The following LIN9 variants were observed in gnomAD, a reference collection of about 807,000 sequenced individuals.
The protein encoded by LIN9 is lin-9 DREAM MuvB core complex component.
A neutral mutation model predicts 78.0 loss-of-function variants in LIN9; 18 were observed. The ratio of observed to expected loss-of-function variants is 0.23; its 90% confidence interval spans 0.16 to 0.34. The LOEUF is 0.34. Ranked by LOEUF, LIN9 falls within the 10% of genes least tolerant of loss-of-function variation. LIN9 has a pLI of 1.00. For synonymous variants in LIN9, 192 were observed against 215.2 expected, an observed-to-expected ratio of 0.89 and a Z score of 0.94; for missense variants, 451 against 644.1, an observed-to-expected ratio of 0.70 and a Z score of 3.25.
At chr1:226,267,867 G>T in intron 8 of LIN9, 90 bp downstream of exon 8, 1 of 1,331,062 alleles carries the variant, frequency 7.5e-7, no homozygotes, top group Middle Eastern at 2.5e-4. Flanking sequence ...ATAAAGTCTT[G>T]ATTCTATCAT....
intron 1 of LIN9, among the ~76,000 whole-genome samples, chr1:226,302,031 T>C (rs146239939): frequency 3.2e-4 from 49 of 152,330 alleles, no homozygotes; most frequent in East Asian, 2.5e-3. Context: ...ACCGTGCCAC[T>C]GCACTTCAGC....
chr1:226,234,915 A>G (rs1356952025), intron 12 of LIN9, among the ~76,000 whole-genome samples: 1 of 72,560 alleles, frequency 1.4e-5, no homozygotes, highest in African/African-American at 3.7e-5. Context: ...TTTTTTTGAG[A>G]CAGTCTCACT....
chr1:226,289,451 C>G (rs1465409563), intron 4 of LIN9, among the ~76,000 whole-genome samples: 1 of 152,042 alleles, frequency 6.6e-6, no homozygotes, highest in Non-Finnish European at 1.5e-5. Flanking sequence ...CAGCCTTGAC[C>G]TCCTGGGCTC....
At chr1:226,264,586 C>T (rs1659796667) in intron 10 of LIN9, among the ~76,000 whole-genome samples, 1 of 152,070 alleles carries the variant, frequency 6.6e-6, no homozygotes, top group Admixed American at 6.6e-5. Flanking sequence ...TAGCTCACAC[C>T]TCTAATCCCA....
At chr1:226,288,029 T>C (rs1179632957) in intron 4 of LIN9, among the ~76,000 whole-genome samples, 3 of 152,090 alleles carry the variant, frequency 2.0e-5, no homozygotes, top group Non-Finnish European at 4.4e-5. Context: ...TGGAATGCAG[T>C]GGCACAATCT....
At chr1:226,307,458 C>T (rs1662985465) in intron 1 of LIN9, among the ~76,000 whole-genome samples, 1 of 151,984 alleles carries the variant, frequency 6.6e-6, no homozygotes, top group Admixed American at 6.6e-5. Context: ...CATGGAGAAA[C>T]CCCCATCTCT....
chr1:226,273,256 A>ATTTTT (rs34679926), intron 7 of LIN9, among the ~76,000 whole-genome samples: 17 of 87,264 alleles, frequency 1.9e-4, no homozygotes, highest in Non-Finnish European at 2.6e-4. Flanking sequence ...TAATTAGGTA[A>ATTTTT]TTTTTTTTTT....
intron 14 of LIN9, chr1:226,232,807 G>A (rs1657426189): frequency 2.0e-6 from 1 of 499,234 alleles, no homozygotes; most frequent in African/African-American, 2.0e-5. Context: ...GAGCCACGGG[G>A]GGCTGGAAGG....
chr1:226,290,214 A>C (rs1383303324), intron 4 of LIN9, among the ~76,000 whole-genome samples: 2 of 152,206 alleles, frequency 1.3e-5, no homozygotes, highest in African/African-American at 2.4e-5. Flanking sequence ...CCAATAGAAA[A>C]ATGGGAAAAA....
chr1:226,305,317 A>AAAAAAG (rs1662837309), intron 1 of LIN9, among the ~76,000 whole-genome samples: 4 of 137,018 alleles, frequency 2.9e-5, no homozygotes, highest in African/African-American at 9.0e-5. Context: ...AAAAAAAAGA[A>AAAAAAG]AAAAAAAAAA....
Position 226,249,292 on chromosome 1 carries a change from T to C in LIN9, c.1119+1547A>G, listed in dbSNP as rs1658679913. Among the ~76,000 whole-genome samples the C allele has an allele frequency of 3.3e-5, 5 of 152,174 alleles. No individual in the cohort carries two copies. The South Asian group carries it at 1.0e-3, about 31-fold the overall frequency. On this transcript the variant is annotated intron_variant, in intron 11 of 14. Coordinates refer to ENST00000681046, the MANE Select transcript of LIN9 (RefSeq NM_001366245.2). ...AGTAGGAAAGAAGCACGCACATACATTTCTATGTTTAAGATATGTAATGGC... is the reference window on the plus strand; with the variant it reads ...AGTAGGAAAGAAGCACGCACATACACTTCTATGTTTAAGATATGTAATGGC...
In LIN9 at chr1:226,233,160, C is replaced by A; in HGVS notation, c.1459G>T (p.Glu487Ter). 6.2e-7 allele frequency: 1 copy of A among 1,607,394 alleles called. No individual in the cohort carries two copies. Among genetic ancestry groups the A allele is most frequent in the South Asian group, 1.1e-5 (1 of 88,906 alleles). ...AATGAGTCTGTAAGTGATTTGAATT[C>A]AAAGGAATTCAGGTCTCCTCCTTCT... ...LAEGGDLNSF[E>*]FKSLTDSLND... is the part of the protein sequence containing the mutation. The change falls in exon 14 of 15, where the codon GAA becomes TAA. Residue 487 changes from glutamate to a stop codon, truncating the protein, a stop_gained. Coordinates refer to ENST00000681046, the MANE Select transcript of LIN9 (RefSeq NM_001366245.2). LOFTEE classifies it high-confidence loss of function.
At position 226,251,868 on chromosome 1, in the gene LIN9, C is replaced by T. The variant is rs1470900255; in HGVS notation, c.1039-949G>A. On this transcript the variant is annotated intron_variant, in intron 10 of 14. Transcript: ENST00000681046. ...TTAAAATCCATGAGTTACAATGATA[C>T]TTAGGAAGAAGAAATAACACAGTGA... Among the ~76,000 whole-genome samples, 3 of 152,078 alleles carry T rather than the reference C, an allele frequency of 2.0e-5. No individual in the cohort carries two copies. In the East Asian group the frequency reaches 5.8e-4, roughly 29 times the overall value.
intron 12 of LIN9, among the ~76,000 whole-genome samples, chr1:226,236,952 C>T (rs1657757905): frequency 6.6e-6 from 1 of 152,164 alleles, no homozygotes; most frequent in African/African-American, 2.4e-5. Context: ...AGGCTATGAA[C>T]ATTCTAGTAT....
intron 10 of LIN9, among the ~76,000 whole-genome samples, chr1:226,261,328 AG>A (rs1263795814): frequency 6.6e-6 from 1 of 152,126 alleles, no homozygotes; most frequent in Non-Finnish European, 1.5e-5. Context: ...AGAATTGGGA[AG>A]GAAAAAAACA....
intron 4 of LIN9, among the ~76,000 whole-genome samples, chr1:226,289,837 G>A (rs865884265): frequency 1.3e-3 from 52 of 40,272 alleles, no homozygotes; most frequent in Non-Finnish European, 2.7e-3. Flanking sequence ...AGTCCTCCGG[G>A]GGGGGGGGTG....
At chr1:226,305,839 G>A (rs952193036) in intron 1 of LIN9, among the ~76,000 whole-genome samples, 3 of 152,132 alleles carry the variant, frequency 2.0e-5, no homozygotes, top group Non-Finnish European at 2.9e-5. Context: ...ACATACATTC[G>A]TTTTGAAAGG....
At chr1:226,240,296 C>T (rs1287099650) in intron 11 of LIN9, among the ~76,000 whole-genome samples, 1 of 152,012 alleles carries the variant, frequency 6.6e-6, no homozygotes, top group Non-Finnish European at 1.5e-5. Context: ...CCAGGCTAGA[C>T]TCGAACTCCT....
chr1:226,307,470 C>T (rs1662986452), intron 1 of LIN9, among the ~76,000 whole-genome samples: 1 of 152,046 alleles, frequency 6.6e-6, no homozygotes, highest in South Asian at 2.1e-4. Context: ...CCCATCTCTA[C>T]TAAAAATACA....
Sources: gnomAD v4.1 joint callset for allele counts (sites outside exome capture counted in the v4.1 genomes callset) on GRCh38, gnomAD v4.1.1 for gene constraint, MANE v1.5 for transcripts, NCBI Gene and HGNC (gene_info 2026-07-23, HGNC 2026-07-21) for gene names.